The following GABRB2 variants were observed in gnomAD, a reference collection of about 807,000 sequenced individuals.
The protein encoded by GABRB2 is gamma-aminobutyric acid receptor subunit beta-2.
In GABRB2, 16 loss-of-function variants were observed where a neutral mutation model predicts 54.7. The observed-to-expected ratio is 0.29, with a 90% CI of 0.20 to 0.44. GABRB2 has a LOEUF of 0.44. GABRB2 is among the 20% of genes least tolerant of loss of function. The pLI, the probability that GABRB2 is intolerant of heterozygous loss-of-function variation, is 1.00. For synonymous variants in GABRB2, 244 were observed against 233.8 expected, an observed-to-expected ratio of 1.04 and a Z score of -0.40; for missense variants, 355 against 644.0, an observed-to-expected ratio of 0.55 and a Z score of 4.86.
At chr5:161,407,956 G>A (rs181885712) in intron 5 of GABRB2, among the ~76,000 whole-genome samples, 4 of 152,014 alleles carry the variant, frequency 2.6e-5, no homozygotes, top group Middle Eastern at 3.4e-3. Flanking sequence ...TTATGAAGTC[G>A]GTGTAGTCCA....
chr5:161,447,000 C>T (rs1561653344), intron 4 of GABRB2, among the ~76,000 whole-genome samples: 1 of 152,080 alleles, frequency 6.6e-6, no homozygotes, highest in Non-Finnish European at 1.5e-5. Flanking sequence ...CCCTCTTATC[C>T]TGATGAAAAA....
chr5:161,296,419 A>C (rs1757381953), intron 9 of GABRB2, among the ~76,000 whole-genome samples: 1 of 152,214 alleles, frequency 6.6e-6, no homozygotes, highest in Admixed American at 6.5e-5. Context: ...CAATTATAAT[A>C]AGAAGAGTTA....
intron 4 of GABRB2, among the ~76,000 whole-genome samples, chr5:161,422,427 A>G (rs1756878376): frequency 6.6e-6 from 1 of 152,148 alleles, no homozygotes; most frequent in Non-Finnish European, 1.5e-5. Context: ...AATAAAAAAC[A>G]CTTTAAGAAG....
intron 5 of GABRB2, among the ~76,000 whole-genome samples, chr5:161,356,871 G>A (rs1206682844): frequency 6.6e-6 from 1 of 152,122 alleles, no homozygotes; most frequent in African/African-American, 2.4e-5. Flanking sequence ...ATCCTATTCT[G>A]GGATGTGTCT....
intron 4 of GABRB2, among the ~76,000 whole-genome samples, chr5:161,425,886 G>A (rs959381058): frequency 7.2e-5 from 11 of 152,122 alleles, no homozygotes; most frequent in South Asian, 2.1e-4. Flanking sequence ...TGAATAAACC[G>A]AATTTCTCAT....
intron 3 of GABRB2, among the ~76,000 whole-genome samples, chr5:161,467,075 G>C (rs374143729): frequency 6.6e-6 from 1 of 152,058 alleles, no homozygotes; most frequent in Non-Finnish European, 1.5e-5. Context: ...CAGTGATAAG[G>C]TATAGTCTGT....
At chr5:161,504,458 C>T (rs542102835) in intron 3 of GABRB2, among the ~76,000 whole-genome samples, 7 of 152,058 alleles carry the variant, frequency 4.6e-5, no homozygotes, top group Admixed American at 2.0e-4. Flanking sequence ...AAAAAATTCA[C>T]GGCTTTTGTA....
intron 9 of GABRB2, among the ~76,000 whole-genome samples, chr5:161,306,591 C>T (rs997617431): frequency 6.6e-6 from 1 of 152,100 alleles, no homozygotes; most frequent in African/African-American, 2.4e-5. Flanking sequence ...GGAACACAGC[C>T]AGTGGACTTC....
At chr5:161,418,694 C>A (rs1056095032) in intron 4 of GABRB2, among the ~76,000 whole-genome samples, 10 of 152,050 alleles carry the variant, frequency 6.6e-5, no homozygotes, top group African/African-American at 2.4e-4. Flanking sequence ...AAATAATCAA[C>A]AACAGACAAC....
At chr5:161,328,556 TGAAA>T (rs5872706) in intron 8 of GABRB2, among the ~76,000 whole-genome samples, 21,451 of 152,106 alleles carry the variant, frequency 0.14, 1,600 homozygotes, top group Non-Finnish European at 0.17. Flanking sequence ...ATATTGAACT[TGAAA>T]GACTCTAAAA....
intron 4 of GABRB2, among the ~76,000 whole-genome samples, chr5:161,429,055 A>G (rs1335683785): frequency 6.6e-6 from 1 of 151,730 alleles, no homozygotes; most frequent in African/African-American, 2.4e-5. Flanking sequence ...ATGTTATAAG[A>G]CCTGAAATTG....
At chr5:161,411,570 A>T (rs1756517703) in intron 4 of GABRB2, among the ~76,000 whole-genome samples, 1 of 152,132 alleles carries the variant, frequency 6.6e-6, no homozygotes, top group African/African-American at 2.4e-5. Context: ...CCATTTATCT[A>T]TACCTGATTT....
In GABRB2 at chr5:161,294,431, G is replaced by A. The variant is rs773974056; in HGVS notation, c.1192-3C>T. 3.7e-6 allele frequency: 6 copies of A among 1,607,762 alleles called. No individual in the cohort carries two copies. Among genetic ancestry groups the A allele is most frequent in the African/African-American group, 1.3e-5 (1 of 74,810 alleles). ...AAGATGTTCTCATGGGGGTCCATCT[G>A]CAAGGGAAGAGAATCAAAAAGACAA... On this transcript the variant is annotated splice_region_variant and splice_polypyrimidine_tract_variant and intron_variant, in intron 9 of 9. Transcript: ENST00000393959.
intron 3 of GABRB2, among the ~76,000 whole-genome samples, chr5:161,495,359 A>G (rs1054670448): frequency 6.6e-6 from 1 of 152,066 alleles, no homozygotes; most frequent in African/African-American, 2.4e-5. Context: ...TCTATGGCAA[A>G]ATACTATAGA....
At chr5:161,470,998 C>T (rs1026306157) in intron 3 of GABRB2, among the ~76,000 whole-genome samples, 4 of 152,040 alleles carry the variant, frequency 2.6e-5, no homozygotes, top group Admixed American at 6.6e-5. Context: ...CCTCTTTAGT[C>T]ATCATTATTC....
At chr5:161,316,190 A>T (rs1758023211) in intron 9 of GABRB2, among the ~76,000 whole-genome samples, 1 of 152,174 alleles carries the variant, frequency 6.6e-6, no homozygotes, top group South Asian at 2.1e-4. Context: ...TTTTTGACAG[A>T]GGTTGACATT....
At chr5:161,506,586 G>C (rs1029064472) in intron 3 of GABRB2, among the ~76,000 whole-genome samples, 5 of 152,010 alleles carry the variant, frequency 3.3e-5, no homozygotes. Flanking sequence ...TATTATCTAT[G>C]GCTATTGTCA....
At chr5:161,486,797 G>T (rs941870021) in intron 3 of GABRB2, among the ~76,000 whole-genome samples, 4 of 151,828 alleles carry the variant, frequency 2.6e-5, no homozygotes, top group African/African-American at 7.3e-5. Flanking sequence ...GCTCAACACT[G>T]GCACTCTTCT....
At chr5:161,429,357 A>AAAAAAAAAT (rs1402875797) in intron 4 of GABRB2, among the ~76,000 whole-genome samples, 3 of 108,248 alleles carry the variant, frequency 2.8e-5, no homozygotes, top group African/African-American at 9.9e-5. Flanking sequence ...AAAAAAAAAA[A>AAAAAAAAAT]AGAAAAAGAA....
Sources: allele counts gnomAD v4.1 joint callset (sites outside exome capture counted in the v4.1 genomes callset), GRCh38; gene constraint gnomAD v4.1.1; transcripts MANE v1.5; gene names NCBI Gene and HGNC (gene_info 2026-07-23, HGNC 2026-07-21).